The following RBMS3 variants were observed in gnomAD, a reference collection of about 807,000 sequenced individuals.
The protein encoded by RBMS3 is RNA-binding motif, single-stranded-interacting protein 3.
RBMS3 carries 27 observed loss-of-function variants against 66.8 expected under a neutral mutation model. The observed-to-expected ratio is 0.40, with a 90% CI of 0.30 to 0.56. The LOEUF (loss-of-function observed/expected upper bound fraction) is 0.56, where lower values mean the gene tolerates loss of function less well. Ranked by LOEUF, RBMS3 falls within the 20% of genes least tolerant of loss-of-function variation. The pLI is 0.40. For missense variants in RBMS3, 513 were observed against 549.5 expected, an observed-to-expected ratio of 0.93 and a Z score of 0.66; for synonymous variants, 188 against 183.0, an observed-to-expected ratio of 1.03 and a Z score of -0.22.
chr3:29,987,323 G>C lies in RBMS3; in HGVS notation c.1099-820G>C, dbSNP rs139222991. On this transcript the variant is annotated intron_variant, in intron 12 of 14. Coordinates refer to ENST00000383767, the MANE Select transcript of RBMS3 (RefSeq NM_001003793.3). ...CTTTGAAGGTGCAGGATGAATATGTGTGTTATGAATATGGGTCATACTTTA... is the reference window on the plus strand; with the variant it reads ...CTTTGAAGGTGCAGGATGAATATGTCTGTTATGAATATGGGTCATACTTTA... Among the ~76,000 whole-genome samples, 60 of 152,286 alleles carry C rather than the reference G, an allele frequency of 3.9e-4. 1 individual carries two copies. In the East Asian group the frequency reaches 8.9e-3, roughly 23 times the overall value.
chr3:29,349,800 C>A (rs1444183415), intron 1 of RBMS3, among the ~76,000 whole-genome samples: 1 of 152,150 alleles, frequency 6.6e-6, no homozygotes, highest in Non-Finnish European at 1.5e-5. Context: ...TTCCGATAGC[C>A]TTCAGAACTA....
chr3:29,586,395 C>G (rs2047521635), intron 3 of RBMS3, among the ~76,000 whole-genome samples: 1 of 152,058 alleles, frequency 6.6e-6, no homozygotes, highest in Admixed American at 6.6e-5. Context: ...CTCATATACC[C>G]TTTTCAGACT....
At chr3:29,881,779 G>A (rs115799019) in intron 7 of RBMS3, among the ~76,000 whole-genome samples, 1 of 152,070 alleles carries the variant, frequency 6.6e-6, no homozygotes, top group African/African-American at 2.4e-5. Flanking sequence ...TTCTTAAGTG[G>A]CCAGAACAAA....
intron 10 of RBMS3, among the ~76,000 whole-genome samples, chr3:29,932,862 G>T (rs932919272): frequency 1.3e-5 from 2 of 152,108 alleles, no homozygotes; most frequent in African/African-American, 4.8e-5. Flanking sequence ...GTTGAAAATT[G>T]TTTATTTCAG....
chr3:29,281,851 C>A, intron 1 of RBMS3, 95 bp downstream of exon 1: 1 of 988,850 alleles, frequency 1.0e-6, no homozygotes, highest in South Asian at 1.6e-5. Flanking sequence ...TTAACCCCCA[C>A]CCCCATCACT....
intron 2 of RBMS3, among the ~76,000 whole-genome samples, chr3:29,436,355 C>A (rs1349561107): frequency 1.3e-5 from 2 of 152,092 alleles, no homozygotes; most frequent in African/African-American, 4.8e-5. Flanking sequence ...GGGTTGGAGT[C>A]CCCTGTTGCT....
At chr3:29,300,695 A>G (rs1008407718) in intron 1 of RBMS3, among the ~76,000 whole-genome samples, 1 of 152,008 alleles carries the variant, frequency 6.6e-6, no homozygotes, top group East Asian at 1.9e-4. Flanking sequence ...AATGCTTTTG[A>G]ATATGCATTG....
chr3:29,388,381 T>C (rs1323852315), intron 1 of RBMS3, among the ~76,000 whole-genome samples: 2 of 152,224 alleles, frequency 1.3e-5, no homozygotes, highest in Non-Finnish European at 2.9e-5. Flanking sequence ...TAAATATTTG[T>C]TGCATGAATA....
intron 6 of RBMS3, among the ~76,000 whole-genome samples, chr3:29,796,309 T>A (rs1043427793): frequency 9.2e-5 from 14 of 152,150 alleles, no homozygotes; most frequent in Non-Finnish European, 1.3e-4. Context: ...TTTTACCACA[T>A]CTTCAGAGAC....
chr3:29,585,218 G>A (rs376513748), intron 3 of RBMS3, among the ~76,000 whole-genome samples: 1 of 152,114 alleles, frequency 6.6e-6, no homozygotes, highest in African/African-American at 2.4e-5. Context: ...GTACAAGGTG[G>A]TTCCCATGTC....
intron 4 of RBMS3, among the ~76,000 whole-genome samples, chr3:29,646,696 G>T: frequency 1.4e-5 from 2 of 146,132 alleles, no homozygotes; most frequent in African/African-American, 5.1e-5. Flanking sequence ...CCTAACTACA[G>T]TTTTCCCTTC....
chr3:29,378,008 A>G (rs1172199316), intron 1 of RBMS3, among the ~76,000 whole-genome samples: 2 of 152,140 alleles, frequency 1.3e-5, no homozygotes, highest in Non-Finnish European at 2.9e-5. Context: ...AACAGCCCCA[A>G]TTCCTCTTAT....
At chr3:29,829,829 TGCC>T (rs779425585) in intron 6 of RBMS3, among the ~76,000 whole-genome samples, 2,087 of 129,990 alleles carry the variant, frequency 0.016, 14 homozygotes, top group Non-Finnish European at 0.025. Flanking sequence ...AAGAGGAGAA[TGCC>T]TCTGCTAAGA....
intron 4 of RBMS3, among the ~76,000 whole-genome samples, chr3:29,587,970 A>G (rs2047592489): frequency 6.6e-6 from 1 of 152,030 alleles, no homozygotes; most frequent in South Asian, 2.1e-4. Flanking sequence ...TCTATACCTG[A>G]TAAAGTAACG....
At chr3:29,368,947 G>A (rs1291177300) in intron 1 of RBMS3, among the ~76,000 whole-genome samples, 1 of 152,132 alleles carries the variant, frequency 6.6e-6, no homozygotes, top group Non-Finnish European at 1.5e-5. Flanking sequence ...TAAAGAATAT[G>A]TGGTACATAT....
At chr3:29,337,296 C>T (rs892996087) in intron 1 of RBMS3, among the ~76,000 whole-genome samples, 1 of 151,744 alleles carries the variant, frequency 6.6e-6, no homozygotes, top group African/African-American at 2.4e-5. Flanking sequence ...TATATGTTAC[C>T]ATATAGGTAC....
In RBMS3 at chr3:30,003,944, C is replaced by G; in HGVS notation, c.*82C>G. ...ACAAGAAGTTGGCTTCCAGTTTGCA[C>G]AGACGTCAATGGAATGCATTTTTTT... On this transcript the variant is annotated 3_prime_UTR_variant, in exon 15 of 15. Transcript: ENST00000383767. 1 of 1,215,108 alleles carries G rather than the reference C, an allele frequency of 8.2e-7. No homozygotes were observed. The highest frequency in any genetic ancestry group is 1.1e-6 in the Non-Finnish European group (1 of 903,812). 75.3% of individuals were successfully genotyped at this position (1,215,108 alleles called of 1,614,324 possible). A position where few individuals can be genotyped will look rare whatever the true frequency, so the allele number is the denominator to read the frequency against.
At chr3:29,875,988 C>A (rs957622786) in intron 7 of RBMS3, among the ~76,000 whole-genome samples, 2 of 152,130 alleles carry the variant, frequency 1.3e-5, no homozygotes, top group African/African-American at 4.8e-5. Context: ...CTTTGATGTT[C>A]TTTTCTCAAA....
At chr3:29,427,319 C>T (rs1055026400) in intron 1 of RBMS3, among the ~76,000 whole-genome samples, 1 of 152,212 alleles carries the variant, frequency 6.6e-6, no homozygotes, top group Non-Finnish European at 1.5e-5. Context: ...GCTGTAATTG[C>T]ATGGCTTGCC....
Sources: gnomAD v4.1 joint callset for allele counts (sites outside exome capture counted in the v4.1 genomes callset) on GRCh38, gnomAD v4.1.1 for gene constraint, MANE v1.5 for transcripts, NCBI Gene and HGNC (gene_info 2026-07-23, HGNC 2026-07-21) for gene names.